ALMS1: variants seen among roughly 807,000 people sequenced by gnomAD.
ALMS1 encodes ALMS1 centrosome and basal body associated protein, also known as centrosome-associated protein ALMS1.
A neutral mutation model predicts 352.2 loss-of-function variants in ALMS1; 271 were observed. The ratio of observed to expected loss-of-function variants is 0.77; its 90% confidence interval spans 0.70 to 0.85. The LOEUF (loss-of-function observed/expected upper bound fraction) is 0.85. Ranked by LOEUF, ALMS1 falls within the 40% of genes least tolerant of loss-of-function variation. The pLI is 0.00. For synonymous variants in ALMS1, 1,865 were observed against 1,761.2 expected (o/e 1.06, Z -1.48); for missense variants, 5,445 against 4,870.7 (o/e 1.12, Z -3.51).
chr2:73,603,479 A>G (rs1675746284), intron 21 of ALMS1, 175 bp downstream of exon 21: 1 of 641,488 alleles, frequency 1.6e-6, no homozygotes, highest in Non-Finnish European at 2.8e-6. Context: ...ACATCATGGT[A>G]TGAATGACTC....
At chr2:73,388,606 A>G (rs921597774) in intron 1 of ALMS1, among the ~76,000 whole-genome samples, 2 of 152,210 alleles carry the variant, frequency 1.3e-5, no homozygotes, top group African/African-American at 4.8e-5. Flanking sequence ...CACTTGATAA[A>G]TAGCCTCCAG....
chr2:73,478,757 G>T (rs1454631157), intron 9 of ALMS1, among the ~76,000 whole-genome samples: 1 of 151,972 alleles, frequency 6.6e-6, no homozygotes, highest in Non-Finnish European at 1.5e-5. Flanking sequence ...TGCCATGGTG[G>T]TTTGCTGCAC....
chr2:73,464,014 G>A (rs546529515), intron 9 of ALMS1, among the ~76,000 whole-genome samples: 3 of 152,312 alleles, frequency 2.0e-5, no homozygotes, highest in South Asian at 4.2e-4. Flanking sequence ...TCTACCAGAG[G>A]TACAAAGAGG....
chr2:73,562,812 G>T (rs188432711), intron 15 of ALMS1, among the ~76,000 whole-genome samples: 3 of 151,898 alleles, frequency 2.0e-5, no homozygotes, highest in East Asian at 1.9e-4. Flanking sequence ...GCTTGATTCC[G>T]GGAGACAGAG....
At chr2:73,517,940 G>C (rs1444073256) in intron 10 of ALMS1, among the ~76,000 whole-genome samples, 2 of 152,188 alleles carry the variant, frequency 1.3e-5, no homozygotes, top group Non-Finnish European at 2.9e-5. Flanking sequence ...TTACAGGCGT[G>C]AGCCACCACG....
rs772450464 is a variant in ALMS1 at position 73,386,117 on chromosome 2, C to A, written c.249C>A (p.His83Gln). The A allele has an allele frequency of 1.5e-5, 24 of 1,581,950 alleles. No homozygotes were observed. The East Asian group carries it at 4.4e-4, about 29-fold the overall frequency. The change falls in exon 1 of 23, where the codon CAC becomes CAA. Residue 83 changes from histidine (H) to glutamine (Q), a missense_variant. Coordinates refer to ENST00000613296, the MANE Select transcript of ALMS1 (RefSeq NM_001378454.1). ...AGGCCAAGGCCTGGCTGCAGGCGCA[C>A]CCCGGCAGGATTTTGCCTCCGCTGT... ...DEEAKAWLQAHPGRILPPLSP... is the reference protein window; with the variant it reads ...DEEAKAWLQAQPGRILPPLSP...
chr2:73,470,392 C>A (rs1436447941), intron 9 of ALMS1: 1 of 151,408 alleles, frequency 6.6e-6, no homozygotes, highest in African/African-American at 2.4e-5. Flanking sequence ...GTGTTTTTGT[C>A]TTTTTTAAAA....
At chr2:73,431,445 T>C (rs2421549) in intron 6 of ALMS1, among the ~76,000 whole-genome samples, 145,649 of 152,248 alleles carry the variant, frequency 0.96, 69,723 homozygotes, top group East Asian at 1. Flanking sequence ...ATAAAGACAA[T>C]CTAAAAATGA....
intron 11 of ALMS1, among the ~76,000 whole-genome samples, chr2:73,526,981 G>A (rs937524945): frequency 5.3e-5 from 8 of 152,118 alleles, no homozygotes; most frequent in Non-Finnish European, 2.9e-5. Flanking sequence ...TTATCACGAA[G>A]AGATGTTGAA....
rs1881246 is a variant in ALMS1, at chr2:73,422,994, T to A, written c.764+20T>A. The A allele has an allele frequency of 0.61, 955,875 of 1,564,114 alleles. 300,585 individuals carry two copies. The highest frequency in any genetic ancestry group is 0.75 in the East Asian group (33,399 of 44,566). ...TCTGAGGTAGGATGATTTATTTGCATGTAACCTTTCTCACTTCTTGTTCTA... is the reference window on the plus strand; with the variant it reads ...TCTGAGGTAGGATGATTTATTTGCAAGTAACCTTTCTCACTTCTTGTTCTA... On this transcript the variant is annotated intron_variant, in intron 4 of 22. Coordinates refer to ENST00000613296, the MANE Select transcript of ALMS1 (RefSeq NM_001378454.1).
In ALMS1 at chr2:73,452,313, G is replaced by A. The variant is rs17009061; in HGVS notation, c.5786G>A (p.Arg1929Gln). 0.014 allele frequency: 22,128 copies of A among 1,613,848 alleles called. 920 individuals carry two copies. The Admixed American group carries it at 0.15, about 11-fold the overall frequency. ...TTTGTTGTTCCTGGACAAGGTGACCGGAAGACTGAGATACCAACAGTACCT... is the reference window on the plus strand; with the variant it reads ...TTTGTTGTTCCTGGACAAGGTGACCAGAAGACTGAGATACCAACAGTACCT... ...NVFVVPGQGD[R>Q]KTEIPTVPLS... The change falls in exon 8 of 23, where the codon CGG becomes CAG. Residue 1929 changes from arginine to glutamine, a missense_variant. Physicochemically the swap from Arg to Gln is conservative, Grantham distance 43. Coordinates refer to ENST00000613296, the MANE Select transcript of ALMS1 (RefSeq NM_001378454.1).
At chr2:73,446,140 G>C (rs1186188191) in intron 7 of ALMS1, among the ~76,000 whole-genome samples, 2 of 152,046 alleles carry the variant, frequency 1.3e-5, no homozygotes. Flanking sequence ...TTAACCTATA[G>C]TCGTTCTTCC....
chr2:73,515,476 T>C (rs1259231420), intron 10 of ALMS1, among the ~76,000 whole-genome samples: 3 of 152,034 alleles, frequency 2.0e-5, no homozygotes, highest in African/African-American at 7.2e-5. Context: ...TGTTGGATAT[T>C]GTAAATAAGA....
At chr2:73,565,583 A>C (rs1213368754) in intron 15 of ALMS1, among the ~76,000 whole-genome samples, 1 of 152,204 alleles carries the variant, frequency 6.6e-6, no homozygotes, top group Non-Finnish European at 1.5e-5. Flanking sequence ...ACTTCCTTCC[A>C]AAGAGTGTAT....
chr2:73,526,642 T>G (rs529550789), intron 11 of ALMS1, among the ~76,000 whole-genome samples: 12 of 152,286 alleles, frequency 7.9e-5, no homozygotes, highest in African/African-American at 2.9e-4. Context: ...ATTTTTGTAT[T>G]CTGCAACTTT....
At chr2:73,592,079 ATTG>A (rs1675446518) in intron 16 of ALMS1, among the ~76,000 whole-genome samples, 1 of 152,132 alleles carries the variant, frequency 6.6e-6, no homozygotes, top group Non-Finnish European at 1.5e-5. Context: ...TCTCTTAACT[ATTG>A]TTTGAATTTT....
At chr2:73,431,423 C>A (rs1042848865) in intron 6 of ALMS1, among the ~76,000 whole-genome samples, 1 of 152,034 alleles carries the variant, frequency 6.6e-6, no homozygotes, top group Admixed American at 6.5e-5. Flanking sequence ...CTGAAATAAT[C>A]TTTTTAGGGA....
At chr2:73,475,518 T>C (rs1174178356) in intron 9 of ALMS1, among the ~76,000 whole-genome samples, 2 of 152,186 alleles carry the variant, frequency 1.3e-5, no homozygotes, top group Non-Finnish European at 2.9e-5. Context: ...ATTTATCTTT[T>C]CTGATGAAAT....
chr2:73,455,204 C>T lies in ALMS1; in HGVS notation c.7583C>T (p.Ser2528Phe), dbSNP rs543499802. The T allele has an allele frequency of 6.2e-7, 1 of 1,613,058 alleles. No homozygotes were observed. Among genetic ancestry groups the T allele is most frequent in the African/African-American group, 1.3e-5 (1 of 74,990 alleles). The part of the protein sequence containing the change: ...KFNLAHDCGY[S>F]ISELNEDDRR... ...AATTTAGCACATGATTGTGGATACT[C>T]CATTTCAGAATTAAATGAAGATGAC... The change falls in exon 9 of 23, where the codon TCC becomes TTC. Residue 2528 changes from serine to phenylalanine, a missense_variant. By Grantham distance (155) the Ser-to-Phe change is radical (BLOSUM62 -2). Transcript: ENST00000613296.
Sources: gnomAD v4.1 joint callset for allele counts (sites outside exome capture counted in the v4.1 genomes callset) on GRCh38, gnomAD v4.1.1 for gene constraint, MANE v1.5 for transcripts, NCBI Gene and HGNC (gene_info 2026-07-23, HGNC 2026-07-21) for gene names.